Variants in SCFD2 observed in about 807,000 individuals in gnomAD.
The protein encoded by SCFD2 is sec1 family domain-containing protein 2.
Under a neutral mutation model 58.9 loss-of-function variants are expected in SCFD2, and 54 were observed. The ratio of observed to expected loss-of-function variants is 0.92; its 90% CI spans 0.74 to 1.15. SCFD2 has a LOEUF of 1.15. Among genes scored for constraint, SCFD2 ranks in the 50% most tolerant of loss-of-function variants. The pLI, the probability that SCFD2 is intolerant of heterozygous loss-of-function variation, is 0.00. For missense variants in SCFD2, 805 were observed against 836.6 expected (o/e 0.96, Z 0.47); for synonymous variants, 321 against 335.9 (o/e 0.96, Z 0.49).
chr4:52,984,897 T>C (rs1721453932), intron 5 of SCFD2, among the ~76,000 whole-genome samples: 2 of 152,218 alleles, frequency 1.3e-5, no homozygotes, highest in South Asian at 4.1e-4. Flanking sequence ...GGAAAAATGA[T>C]TTTGCTTACT....
intron 7 of SCFD2, among the ~76,000 whole-genome samples, chr4:52,891,268 G>A (rs1170064005): frequency 6.6e-6 from 1 of 152,210 alleles, no homozygotes; most frequent in Non-Finnish European, 1.5e-5. Flanking sequence ...AGATTCATCA[G>A]TGAACCAAAG....
At chr4:53,167,519 ATC>A (rs1560366280) in intron 4 of SCFD2, among the ~76,000 whole-genome samples, 2 of 152,230 alleles carry the variant, frequency 1.3e-5, no homozygotes, top group African/African-American at 2.4e-5. Flanking sequence ...CAAATAATGG[ATC>A]CAAAATTCCA....
intron 3 of SCFD2, among the ~76,000 whole-genome samples, chr4:53,309,387 A>C (rs1732618170): frequency 6.6e-6 from 1 of 152,244 alleles, no homozygotes. Flanking sequence ...AAGATGTCCC[A>C]GAACTAGGAG....
At chr4:53,248,056 G>T (rs1730171321) in intron 4 of SCFD2, among the ~76,000 whole-genome samples, 1 of 152,168 alleles carries the variant, frequency 6.6e-6, no homozygotes. Flanking sequence ...GCGCAGGTCA[G>T]TGGGTGCAGC....
At chr4:53,191,485 C>T (rs1175946766) in intron 4 of SCFD2, among the ~76,000 whole-genome samples, 1 of 152,076 alleles carries the variant, frequency 6.6e-6, no homozygotes, top group African/African-American at 2.4e-5. Context: ...CCGCTCACTG[C>T]AACCTCTGCC....
intron 5 of SCFD2, among the ~76,000 whole-genome samples, chr4:52,964,283 A>C (rs2109543883): frequency 6.6e-6 from 1 of 152,352 alleles, no homozygotes; most frequent in East Asian, 1.9e-4. Flanking sequence ...TAGTTGCTTA[A>C]GTTCTGGGCT....
chr4:53,329,162 TG>T (rs1453971468), intron 2 of SCFD2, among the ~76,000 whole-genome samples: 3 of 152,118 alleles, frequency 2.0e-5, no homozygotes, highest in Non-Finnish European at 4.4e-5. Context: ...GCAGCGAGGC[TG>T]GGGAAGAGGC....
rs187034415 is a variant in SCFD2 at position 53,309,048 on chromosome 4, G to A, written c.1135+4588C>T. The stretch of plus-strand genomic sequence containing the variant: ...CTCGGAAGGCTGAGGCAGGAGAATC[G>A]CTTGAACCCAGGCGGCGGAGGTTGC... On this transcript the variant is annotated intron_variant, in intron 3 of 8. Transcript: ENST00000401642. Among the ~76,000 whole-genome samples the A allele has an allele frequency of 5.5e-4, 84 of 152,006 alleles. 1 individual carries two copies. Among genetic ancestry groups the A allele is most frequent in the Admixed American group, 2.5e-3 (38 of 15,276 alleles).
At chr4:52,885,978 G>A (rs1718731055) in intron 7 of SCFD2, 112 bp from the exon 8 acceptor site, 1 of 1,346,918 alleles carries the variant, frequency 7.4e-7, no homozygotes, top group East Asian at 2.5e-5. Context: ...ACTACTGATA[G>A]TGGCAGGAGG....
Position 53,226,053 on chromosome 4 carries a change from T to C in SCFD2, c.1311+47773A>G, listed in dbSNP as rs529125885. Among the ~76,000 whole-genome samples the C allele has an allele frequency of 2.6e-5, 4 of 152,306 alleles. No individual in the cohort carries two copies. In the East Asian group the frequency reaches 7.7e-4, roughly 29 times the overall value. On this transcript the variant is annotated intron_variant, in intron 4 of 8. Transcript: ENST00000401642. ...CAAGCCTCAAGAGATCATCCTGCCT[T>C]GGCCTCCCGAAGTGCTGGGATTACA...
intron 4 of SCFD2, among the ~76,000 whole-genome samples, chr4:53,181,491 G>T (rs7690076): frequency 0.69 from 105,188 of 151,980 alleles, 36,627 homozygotes; most frequent in Middle Eastern, 0.78. Context: ...AATTAGGTAT[G>T]GATGGGATGT....
rs865834687 is a variant in SCFD2, at chr4:53,147,381, T to C, written c.1312-1799A>G. ...AAGCCATTTCCACACCTGGAAAAATTTGGATAGATCATCTCAAGGTTAAGG... is the reference window on the plus strand; with the variant it reads ...AAGCCATTTCCACACCTGGAAAAATCTGGATAGATCATCTCAAGGTTAAGG... On this transcript the variant is annotated intron_variant, in intron 4 of 8. Transcript: ENST00000401642. Among the ~76,000 whole-genome samples the C allele has an allele frequency of 3.9e-5, 6 of 152,284 alleles. 1 individual carries two copies. The South Asian group carries it at 6.2e-4, about 16-fold the overall frequency.
At chr4:52,988,355 T>A (rs780896121) in intron 5 of SCFD2, among the ~76,000 whole-genome samples, 1 of 152,148 alleles carries the variant, frequency 6.6e-6, no homozygotes, top group Non-Finnish European at 1.5e-5. Context: ...CTGGATCCCA[T>A]TGAATAATTT....
intron 5 of SCFD2, among the ~76,000 whole-genome samples, chr4:53,008,538 C>A (rs1380734693): frequency 6.6e-6 from 1 of 152,180 alleles, no homozygotes; most frequent in Non-Finnish European, 1.5e-5. Flanking sequence ...ACAACAACAA[C>A]AAAACTCTTT....
intron 5 of SCFD2, among the ~76,000 whole-genome samples, chr4:52,947,179 A>G (rs1227079910): frequency 6.6e-6 from 1 of 152,202 alleles, no homozygotes; most frequent in East Asian, 1.9e-4. Context: ...TCAGCTCACC[A>G]TCAAGAAAAA....
chr4:52,892,391 A>G (rs1718899006), intron 7 of SCFD2, among the ~76,000 whole-genome samples: 1 of 152,064 alleles, frequency 6.6e-6, no homozygotes, highest in Admixed American at 6.6e-5. Context: ...ACTTCATAAA[A>G]TGTAAACTGG....
intron 5 of SCFD2, among the ~76,000 whole-genome samples, chr4:52,922,455 G>T (rs1235396278): frequency 1.3e-5 from 2 of 151,882 alleles, no homozygotes; most frequent in African/African-American, 4.8e-5. Context: ...GTAGTCTTTT[G>T]TGACTGGCTT....
chr4:52,999,897 G>GGAA (rs1222274785), intron 5 of SCFD2, among the ~76,000 whole-genome samples: 2 of 152,244 alleles, frequency 1.3e-5, no homozygotes, highest in African/African-American at 4.8e-5. Flanking sequence ...CTGTGCAATG[G>GGAA]GAAGGATGGC....
intron 3 of SCFD2, among the ~76,000 whole-genome samples, chr4:53,310,954 G>C (rs557362148): frequency 6.6e-6 from 1 of 152,268 alleles, no homozygotes; most frequent in South Asian, 2.1e-4. Context: ...TACTTCAGTA[G>C]AAACTATAGC....
Sources: allele counts gnomAD v4.1 joint callset (sites outside exome capture counted in the v4.1 genomes callset), GRCh38; gene constraint gnomAD v4.1.1; transcripts MANE v1.5; gene names NCBI Gene and HGNC (gene_info 2026-07-23, HGNC 2026-07-21).